TET2: variants seen among roughly 807,000 people sequenced by gnomAD.
TET2 encodes the protein methylcytosine dioxygenase TET2.
Under a neutral mutation model 142.9 loss-of-function variants are expected in TET2, and 299 were observed. That is an observed-to-expected ratio of 2.09 (90% CI 1.90 to 2.30). The LOEUF is 2.30. TET2 is among the 30% of genes most tolerant of loss of function. The pLI is 0.00. For synonymous variants in TET2, 819 were observed against 849.0 expected (o/e 0.96, Z 0.61); for missense variants, 2,418 against 2,378.0 (o/e 1.02, Z -0.35).
At chr4:105,250,567 GT>G (rs1350688363) in intron 6 of TET2, among the ~76,000 whole-genome samples, 3 of 151,380 alleles carry the variant, frequency 2.0e-5, no homozygotes, top group Admixed American at 6.6e-5. Context: ...TGTTGAATCT[GT>G]TGGTCAATTT....
In TET2 at chr4:105,243,585, A is replaced by G; in HGVS notation, c.3610A>G (p.Ser1204Gly). ...ATCCACGCAGGTGGTTCGCAGAAGC[A>G]GCAGTGAAGAGAAGCTACTGTGTTT... ...PIAKWVVRRS[S>G]SEEKLLCLVR... The change falls in exon 6 of 11, where the codon AGC (serine) becomes GGC (glycine). Residue 1204 changes from serine to glycine, a missense_variant. Physicochemically the swap from Ser to Gly is moderately conservative, Grantham distance 56. Coordinates refer to ENST00000380013, the MANE Select transcript of TET2 (RefSeq NM_001127208.3). The G allele has an allele frequency of 6.4e-7, 1 of 1,551,640 alleles. No homozygotes were observed. The highest frequency in any genetic ancestry group is 2.4e-5 in the East Asian group (1 of 40,916).
At chr4:105,239,451 C>T (rs1729171476) in intron 3 of TET2, 1 of 240,444 alleles carries the variant, frequency 4.2e-6, no homozygotes, top group Non-Finnish European at 8.8e-6. Context: ...TACATCAGCA[C>T]TTGCTGCCTC....
chr4:105,223,073 A>G (rs1017105470), intron 2 of TET2, among the ~76,000 whole-genome samples: 6 of 152,260 alleles, frequency 3.9e-5, no homozygotes, highest in South Asian at 2.1e-4. Flanking sequence ...CCATTGATCT[A>G]TATCTCTGTT....
intron 1 of TET2, among the ~76,000 whole-genome samples, chr4:105,152,967 A>G (rs1723382279): frequency 6.6e-6 from 1 of 152,164 alleles, no homozygotes; most frequent in South Asian, 2.1e-4. Context: ...GGTAGGAGTA[A>G]TGGTGTGTTT....
Position 105,235,826 on chromosome 4 carries a change from G to A in TET2, c.1884G>A (p.Glu628=), listed in dbSNP as rs35695427. Residue 628 remains glutamate (E), a synonymous_variant, in exon 3 of 11, where the codon GAG becomes GAA. Transcript: ENST00000380013. ...ACACCCAGAAAACAACACAGCTGGA[G>A]CACAAGTCACAAATGTACCAAGTTG... ...QAYTQKTTQL[E]HKSQMYQVEM... 4,855 of 1,613,994 alleles carry A rather than the reference G, an allele frequency of 3.0e-3. 133 individuals are homozygous for A. The African/African-American group carries it at 0.055, about 18-fold the overall frequency.
chr4:105,203,163 C>T (rs149409309), intron 2 of TET2, among the ~76,000 whole-genome samples: 165 of 152,288 alleles, frequency 1.1e-3, no homozygotes, highest in African/African-American at 3.8e-3. Context: ...CTATCAATTT[C>T]AAATTGGTTC....
chr4:105,240,648 T>C, intron 3 of TET2: 3 of 1,080,010 alleles, frequency 2.8e-6, no homozygotes, highest in Non-Finnish European at 3.4e-6. Context: ...ATCTCATAGA[T>C]AATATTTGGT....
chr4:105,234,342 G>A lies in TET2; in HGVS notation c.400G>A (p.Gly134Ser). The A allele has an allele frequency of 6.2e-7, 1 of 1,614,076 alleles. No homozygotes were observed. ...CGGGGTAAGCCAAGAAAGAAATCCA[G>A]GTGAAAGCAGTCAACCAAATGTCTC... ...NFGVSQERNP[G>S]ESSQPNVSDL... The change falls in exon 3 of 11, where the codon GGT becomes AGT. Residue 134 changes from glycine (G) to serine (S), a missense_variant. Coordinates refer to ENST00000380013, the MANE Select transcript of TET2 (RefSeq NM_001127208.3).
In TET2 at chr4:105,236,370, CA is replaced by C; in HGVS notation, c.2429del (p.Gln810ArgfsTer3). ...TGTCCAAATGGGACTGGAGGAAGTA[CA>C]GAATATAAATCGTAGAAATTCCCCT... is the stretch of plus-strand genomic sequence containing the variant. ...HNVQMGLEEVQNINRRNSPYS... is the reference protein window; with the variant it reads ...HNVQMGLEEVXNINRRNSPYS... On this transcript the variant is annotated frameshift_variant, in exon 3 of 11. Coordinates refer to ENST00000380013, the MANE Select transcript of TET2 (RefSeq NM_001127208.3). LOFTEE classifies it high-confidence loss of function. The C allele has an allele frequency of 6.2e-7, 1 of 1,613,920 alleles. No homozygotes were observed. Among genetic ancestry groups the C allele is most frequent in the Non-Finnish European group, 8.5e-7 (1 of 1,179,968 alleles).
intron 2 of TET2, among the ~76,000 whole-genome samples, chr4:105,227,359 G>A (rs1728251203): frequency 6.6e-6 from 1 of 152,068 alleles, no homozygotes; most frequent in Non-Finnish European, 1.5e-5. Context: ...CATCCTCTTA[G>A]GAAAGACATT....
At chr4:105,192,350 G>C (rs1460874206) in intron 2 of TET2, among the ~76,000 whole-genome samples, 1 of 152,028 alleles carries the variant, frequency 6.6e-6, no homozygotes, top group African/African-American at 2.4e-5. Context: ...CTCAGCCCTT[G>C]ACATATTTTC....
chr4:105,249,816 A>G (rs375473027), intron 6 of TET2, among the ~76,000 whole-genome samples: 1 of 152,196 alleles, frequency 6.6e-6, no homozygotes, highest in Non-Finnish European at 1.5e-5. Context: ...AACTTTGTCA[A>G]ATGCCTGGTT....
At chr4:105,173,069 C>T (rs781219011) in intron 1 of TET2, among the ~76,000 whole-genome samples, 17 of 152,100 alleles carry the variant, frequency 1.1e-4, no homozygotes, top group South Asian at 8.3e-4. Flanking sequence ...GTATTTGCTT[C>T]TCAGACCTCT....
chr4:105,240,548 C>T, intron 3 of TET2: 1 of 1,079,206 alleles, frequency 9.3e-7, no homozygotes, highest in South Asian at 4.6e-5. Flanking sequence ...ATGAGATACC[C>T]CACACTGTGT....
chr4:105,150,482 C>A (rs1723243016), intron 1 of TET2, among the ~76,000 whole-genome samples: 2 of 152,176 alleles, frequency 1.3e-5, no homozygotes, highest in South Asian at 4.1e-4. Context: ...TTTGGACCAG[C>A]TGTCAGTATT....
At chr4:105,212,972 A>G (rs1293873833) in intron 2 of TET2, among the ~76,000 whole-genome samples, 2 of 152,214 alleles carry the variant, frequency 1.3e-5, no homozygotes, top group African/African-American at 2.4e-5. Context: ...CCTGGTCGAC[A>G]GAGTGAGAAT....
rs1170631037 is a variant in TET2, at chr4:105,259,665, T to G, written c.3850T>G (p.Ser1284Ala). 7.1e-6 allele frequency: 11 copies of G among 1,551,160 alleles called. No individual in the cohort carries two copies. The highest frequency in any genetic ancestry group is 1.2e-5 in the South Asian group (1 of 84,014). The change falls in exon 7 of 11, where the codon TCC becomes GCC. Residue 1284 changes from serine (S) to alanine (A), a missense_variant. Ser to Ala is a moderately conservative substitution (Grantham distance 99). Coordinates refer to ENST00000380013, the MANE Select transcript of TET2 (RefSeq NM_001127208.3). ...QGLDPETCGASFSFGCSWSMY... is the reference protein window; with the variant it reads ...QGLDPETCGAAFSFGCSWSMY... ...GCTGGATCCAGAAACCTGTGGTGCC[T>G]CCTTCTCTTTTGGTTGTTCATGGAG... is the stretch of plus-strand genomic sequence containing the variant.
At position 105,234,983 on chromosome 4, in the gene TET2, G is replaced by A. The variant is rs113631626; in HGVS notation, c.1041G>A (p.Ala347=). 359 of 1,613,976 alleles carry A rather than the reference G, an allele frequency of 2.2e-4. No individual in the cohort carries two copies. The highest frequency in any genetic ancestry group is 6.1e-4 in the African/African-American group (46 of 75,040). The change falls in exon 3 of 11, where the codon GCG becomes GCA. Residue 347 remains alanine, a synonymous_variant. Coordinates refer to ENST00000380013, the MANE Select transcript of TET2 (RefSeq NM_001127208.3). ...ACATCCAGGGAACCACAAAGCTAGC[G>A]TCTGGTGAAGAATTCTGTTCAGGTT... ...ENNIQGTTKL[A]SGEEFCSGSS...
chr4:105,180,553 T>TA (rs899540624), intron 1 of TET2, among the ~76,000 whole-genome samples: 3 of 152,196 alleles, frequency 2.0e-5, no homozygotes, highest in Admixed American at 2.0e-4. Flanking sequence ...TCATGACACT[T>TA]AAAAAACCTT....
Sources: gnomAD v4.1 joint callset for allele counts (sites outside exome capture counted in the v4.1 genomes callset) on GRCh38, gnomAD v4.1.1 for gene constraint, MANE v1.5 for transcripts, NCBI Gene and HGNC (gene_info 2026-07-23, HGNC 2026-07-21) for gene names.